The following LRFN2 variants were observed in gnomAD, a reference collection of about 807,000 sequenced individuals.
LRFN2 encodes leucine-rich repeat and fibronectin type-III domain-containing protein 2.
A neutral mutation model predicts 37.3 loss-of-function variants in LRFN2; 18 were observed. The observed-to-expected ratio is 0.48, with a 90% CI of 0.33 to 0.72. The LOEUF (loss-of-function observed/expected upper bound fraction) is 0.72, where lower values mean the gene tolerates loss of function less well. LRFN2 is among the 30% of genes least tolerant of loss of function. The pLI is 0.02. For synonymous variants in LRFN2, 556 were observed against 466.6 expected (o/e 1.19, Z -2.47); for missense variants, 1,006 against 1,060.7 (o/e 0.95, Z 0.72).
chr6:40,566,693 A>T (rs991105233), intron 1 of LRFN2, among the ~76,000 whole-genome samples: 1 of 151,066 alleles, frequency 6.6e-6, no homozygotes, highest in Non-Finnish European at 1.5e-5. Context: ...ATGAGAACAC[A>T]TGGACACAGG....
chr6:40,511,869 G>C (rs919826773), intron 1 of LRFN2, among the ~76,000 whole-genome samples: 1 of 152,212 alleles, frequency 6.6e-6, no homozygotes, highest in Non-Finnish European at 1.5e-5. Flanking sequence ...AAATGCAAGA[G>C]GTGTAGGTTT....
intron 1 of LRFN2, among the ~76,000 whole-genome samples, chr6:40,476,373 G>A (rs947511917): frequency 1.3e-5 from 2 of 152,164 alleles, no homozygotes; most frequent in South Asian, 2.1e-4. Flanking sequence ...GTATGAAACC[G>A]TCTTGAATTC....
At chr6:40,420,610 A>G (rs1234709784) in intron 2 of LRFN2, among the ~76,000 whole-genome samples, 2 of 152,194 alleles carry the variant, frequency 1.3e-5, no homozygotes, top group Non-Finnish European at 2.9e-5. Flanking sequence ...CCTCCCCAAC[A>G]TCCATTCCCC....
intron 1 of LRFN2, among the ~76,000 whole-genome samples, chr6:40,470,696 G>C (rs901854174): frequency 6.6e-6 from 1 of 152,154 alleles, no homozygotes; most frequent in African/African-American, 2.4e-5. Flanking sequence ...GCAGCCAGTG[G>C]TGAGCCCCTC....
chr6:40,581,110 C>T (rs971815542), intron 1 of LRFN2, among the ~76,000 whole-genome samples: 3 of 152,068 alleles, frequency 2.0e-5, no homozygotes, highest in African/African-American at 7.2e-5. Flanking sequence ...TCATTCCAAA[C>T]GAAACCCAGT....
chr6:40,504,921 T>C (rs1215429951), intron 1 of LRFN2, among the ~76,000 whole-genome samples: 4 of 152,224 alleles, frequency 2.6e-5, no homozygotes, highest in African/African-American at 9.6e-5. Flanking sequence ...AAAGCTCCTG[T>C]CCCTAAAAAC....
At chr6:40,533,158 G>T (rs1581782095) in intron 1 of LRFN2, among the ~76,000 whole-genome samples, 1 of 151,860 alleles carries the variant, frequency 6.6e-6, no homozygotes, top group Non-Finnish European at 1.5e-5. Context: ...CTCTGCCTCT[G>T]TCTCTGTCTC....
intron 1 of LRFN2, among the ~76,000 whole-genome samples, chr6:40,437,866 G>T (rs1244679630): frequency 2.0e-5 from 3 of 152,152 alleles, no homozygotes; most frequent in African/African-American, 7.2e-5. Context: ...GAGGAACCAG[G>T]ATATCCTCCA....
chr6:40,454,315 A>G (rs1463786291), intron 1 of LRFN2, among the ~76,000 whole-genome samples: 1 of 152,158 alleles, frequency 6.6e-6, no homozygotes, highest in East Asian at 1.9e-4. Flanking sequence ...GGAAATATCT[A>G]TAGAAATTTT....
chr6:40,555,966 C>A (rs1561906415), intron 1 of LRFN2, among the ~76,000 whole-genome samples: 1 of 149,934 alleles, frequency 6.7e-6, no homozygotes, highest in South Asian at 2.1e-4. Flanking sequence ...TCCTGAAGAA[C>A]AAGAGGCGTA....
At chr6:40,442,874 C>T (rs751204942) in intron 1 of LRFN2, among the ~76,000 whole-genome samples, 11 of 152,164 alleles carry the variant, frequency 7.2e-5, no homozygotes, top group South Asian at 4.1e-4. Flanking sequence ...GGCCACGCTG[C>T]GTCTCTTGAG....
intron 1 of LRFN2, among the ~76,000 whole-genome samples, chr6:40,554,084 G>A (rs1226479157): frequency 6.6e-6 from 1 of 152,088 alleles, no homozygotes; most frequent in Non-Finnish European, 1.5e-5. Context: ...ACCCTCCATT[G>A]CCACCACCTG....
rs769159173 is a variant in LRFN2, at chr6:40,392,466, G to C, written c.1847C>G (p.Ala616Gly). ...GGAGGAAGAGGAGTCACTGGCGCGGGCCAGGCTGGCGGTGAAGTCCAGGAG... is the reference window on the plus strand; with the variant it reads ...GGAGGAAGAGGAGTCACTGGCGCGGCCCAGGCTGGCGGTGAAGTCCAGGAG... ...NELLDFTASLARASDSSSSSS... is the reference protein window; with the variant it reads ...NELLDFTASLGRASDSSSSSS... Residue 616 changes from alanine to glycine, a missense_variant, in exon 3 of 3, where the codon GCC (alanine) becomes GGC (glycine). Ala to Gly is a moderately conservative substitution (Grantham distance 60). Around this residue, in one of 4 missense-constraint regions of LRFN2, gnomAD observed 398 missense variants for 327.6 expected, o/e 1.21. Transcript: ENST00000338305. The surrounding 1 kb of genome is among the most constrained non-coding windows in gnomAD (Gnocchi z 4.7). The C allele has an allele frequency of 6.4e-7, 1 of 1,568,666 alleles. No individual in the cohort carries two copies. The highest frequency in any genetic ancestry group is 8.6e-7 in the Non-Finnish European group (1 of 1,157,196).
intron 1 of LRFN2, among the ~76,000 whole-genome samples, chr6:40,539,269 G>A (rs548521022): frequency 9.8e-4 from 149 of 152,266 alleles, no homozygotes; most frequent in African/African-American, 3.5e-3. Context: ...CTTTTGGGGG[G>A]TCACTGACCC....
At chr6:40,447,246 C>T (rs1763993783) in intron 1 of LRFN2, among the ~76,000 whole-genome samples, 1 of 152,246 alleles carries the variant, frequency 6.6e-6, no homozygotes, top group Non-Finnish European at 1.5e-5. Flanking sequence ...ACCCTACCAA[C>T]CTTCTCATTA....
At chr6:40,579,376 A>G (rs1292308385) in intron 1 of LRFN2, among the ~76,000 whole-genome samples, 2 of 152,158 alleles carry the variant, frequency 1.3e-5, no homozygotes, top group Non-Finnish European at 2.9e-5. Context: ...TGGGACGATG[A>G]CCCCAAATCT....
At chr6:40,482,483 C>G (rs1015964554) in intron 1 of LRFN2, among the ~76,000 whole-genome samples, 2 of 152,228 alleles carry the variant, frequency 1.3e-5, no homozygotes, top group Non-Finnish European at 2.9e-5. Flanking sequence ...CACCTGCCTG[C>G]CCAGCCATCT....
chr6:40,528,161 G>A (rs1766288484), intron 1 of LRFN2, among the ~76,000 whole-genome samples: 1 of 152,220 alleles, frequency 6.6e-6, no homozygotes, highest in South Asian at 2.1e-4. Flanking sequence ...CTATCTTAAA[G>A]CTTCAATTTT....
chr6:40,530,715 C>T lies in LRFN2; in HGVS notation c.-19+56226G>A, dbSNP rs72852102. Among the ~76,000 whole-genome samples the T allele has an allele frequency of 4.1e-3, 620 of 152,158 alleles. 1 individual carries two copies. The highest frequency in any genetic ancestry group is 6.4e-3 in the Non-Finnish European group (437 of 68,016). ...GACCTGCCCCCTGCTCCACAATGCC[C>T]GCTCTACTGATGGCCCTCAGTTCTA... On this transcript the variant is annotated intron_variant, in intron 1 of 2. Coordinates refer to ENST00000338305, the MANE Select transcript of LRFN2 (RefSeq NM_020737.3).
Sources: gnomAD v4.1 joint callset for allele counts (sites outside exome capture counted in the v4.1 genomes callset) on GRCh38, gnomAD v4.1.1 for gene constraint, gnomAD v4.1.1 regional missense constraint, Gnocchi (gnomAD v3.1) non-coding constraint, MANE v1.5 for transcripts, NCBI Gene and HGNC (gene_info 2026-07-23, HGNC 2026-07-21) for gene names.